The following DHRSX variants were observed in gnomAD, a reference collection of about 807,000 sequenced individuals.
The protein encoded by DHRSX is polyprenol dehydrogenase.
DHRSX carries 31 observed loss-of-function variants against 34.0 expected under a neutral mutation model. That is an observed-to-expected ratio of 0.91 (90% CI 0.69 to 1.23). DHRSX has a LOEUF of 1.23. DHRSX is among the 50% of genes most tolerant of loss of function. The pLI, the probability that DHRSX is intolerant of heterozygous loss-of-function variation, is 0.00. For synonymous variants in DHRSX, 201 were observed against 183.8 expected, an observed-to-expected ratio of 1.09 and a Z score of -0.76; for missense variants, 414 against 428.1, an observed-to-expected ratio of 0.97 and a Z score of 0.29.
intron 4 of DHRSX, among the ~76,000 whole-genome samples, chrX:2,276,805 A>C (rs1301171532): frequency 7.1e-6 from 1 of 141,482 alleles, no homozygotes. Context: ...AATAGGGAGA[A>C]AGAGAGACAA....
intron 1 of DHRSX, among the ~76,000 whole-genome samples, chrX:2,448,672 C>A (rs1198331883): frequency 1.3e-5 from 2 of 152,146 alleles, no homozygotes; most frequent in Non-Finnish European, 2.9e-5. Context: ...ATTAAAACAT[C>A]ACGTACCTCA....
intron 5 of DHRSX, among the ~76,000 whole-genome samples, chrX:2,254,610 G>A (rs2124444845): frequency 6.6e-6 from 1 of 152,138 alleles, no homozygotes; most frequent in African/African-American, 2.4e-5. Flanking sequence ...CCGCCTACCA[G>A]GAACTCAGAA....
intron 1 of DHRSX, among the ~76,000 whole-genome samples, chrX:2,464,623 T>C (rs1450068481): frequency 6.7e-6 from 1 of 149,712 alleles, no homozygotes; most frequent in Admixed American, 6.7e-5. Flanking sequence ...ACACTGAAGA[T>C]GTTCCCTAAG....
intron 1 of DHRSX, among the ~76,000 whole-genome samples, chrX:2,496,757 C>T (rs2045294997): frequency 6.6e-6 from 1 of 151,312 alleles, no homozygotes; most frequent in Admixed American, 6.6e-5. Context: ...CACACTGTGC[C>T]CCATAAGTGT....
Position 2,489,347 on chromosome X carries a change from G to A in DHRSX, c.109+11470C>T, listed in dbSNP as rs1210285492. On this transcript the variant is annotated intron_variant, in intron 1 of 6. Coordinates refer to ENST00000334651, the MANE Select transcript of DHRSX (RefSeq NM_145177.3). ...GTCGATCTCGGGCGTCTCCTGGTAG[G>A]TCTTGGAAAGCTCCTTGGCGATGAC... The A allele has an allele frequency of 5.6e-6, 9 of 1,613,506 alleles. No individual in the cohort carries two copies. The African/African-American group carries it at 6.7e-5, about 12-fold the overall frequency.
chrX:2,371,047 T>A (rs1377638501), intron 3 of DHRSX, among the ~76,000 whole-genome samples: 2 of 152,034 alleles, frequency 1.3e-5, no homozygotes, highest in African/African-American at 4.8e-5. Flanking sequence ...CATGGTGCTA[T>A]AGGCAGCGTC....
chrX:2,234,465 C>T (rs1187002223), intron 6 of DHRSX, among the ~76,000 whole-genome samples: 1 of 152,238 alleles, frequency 6.6e-6, no homozygotes, highest in African/African-American at 2.4e-5. Context: ...ACCTCCTTCC[C>T]TGCCTTCCAG....
intron 3 of DHRSX, 149 bp downstream of exon 3, chrX:2,408,596 G>A: frequency 1.4e-6 from 1 of 692,894 alleles, no homozygotes; most frequent in Non-Finnish European, 2.5e-6. Context: ...GATGGGGCCA[G>A]AAATCCCCAA....
intron 3 of DHRSX, among the ~76,000 whole-genome samples, chrX:2,353,178 A>T (rs1310557674): frequency 2.0e-5 from 3 of 152,162 alleles, no homozygotes; most frequent in Non-Finnish European, 4.4e-5. Flanking sequence ...CCGGAGGCAG[A>T]AATTGCAGTG....
intron 3 of DHRSX, among the ~76,000 whole-genome samples, chrX:2,320,211 G>T (rs1389836996): frequency 6.6e-6 from 1 of 151,484 alleles, no homozygotes; most frequent in East Asian, 2.0e-4. Flanking sequence ...CACAGAACTT[G>T]CCCATTCATT....
At chrX:2,430,493 A>G (rs997498420) in intron 1 of DHRSX, among the ~76,000 whole-genome samples, 14 of 152,030 alleles carry the variant, frequency 9.2e-5, no homozygotes, top group Non-Finnish European at 1.6e-4. Context: ...GGGCTTCCTC[A>G]GGGTTTTGGG....
At chrX:2,256,006 T>C (rs1055954926) in intron 5 of DHRSX, among the ~76,000 whole-genome samples, 124 of 149,812 alleles carry the variant, frequency 8.3e-4, no homozygotes, top group Non-Finnish European at 1.4e-3. Context: ...TTGGAAGGTA[T>C]GTGTCCCTCT....
intron 1 of DHRSX, among the ~76,000 whole-genome samples, chrX:2,462,922 A>T (rs770142684): frequency 6.6e-6 from 1 of 152,062 alleles, no homozygotes; most frequent in Non-Finnish European, 1.5e-5. Flanking sequence ...CCCTAAGACA[A>T]TGGTGTCAGG....
chrX:2,481,863 C>G lies in DHRSX; in HGVS notation c.109+18954G>C, dbSNP rs73622921. On this transcript the variant is annotated intron_variant, in intron 1 of 6. Transcript: ENST00000334651. ...GCTCATCCTCCCGAGTACATGCAAA[C>G]TGCACTGAGCCGGCTCCCCATGGAA... 5.9e-4 allele frequency among the ~76,000 whole-genome samples: 90 copies of G among 151,866 alleles called. No homozygotes were observed. In the Middle Eastern group the frequency reaches 0.017, roughly 29 times the overall value.
At chrX:2,302,771 A>G (rs908207470) in intron 3 of DHRSX, among the ~76,000 whole-genome samples, 7 of 152,204 alleles carry the variant, frequency 4.6e-5, no homozygotes, top group African/African-American at 1.7e-4. Flanking sequence ...TTAAAAAATA[A>G]TGACAGTCAT....
At chrX:2,249,860 G>T (rs1445676318) in intron 5 of DHRSX, among the ~76,000 whole-genome samples, 1 of 150,210 alleles carries the variant, frequency 6.7e-6, no homozygotes, top group Non-Finnish European at 1.5e-5. Context: ...ACTTGAAATT[G>T]ATCTTAAAAA....
intron 3 of DHRSX, among the ~76,000 whole-genome samples, chrX:2,382,610 C>G (rs2043217707): frequency 7.2e-6 from 1 of 139,020 alleles, no homozygotes; most frequent in East Asian, 2.0e-4. Context: ...TCACCATCAC[C>G]ATCATCACCA....
chrX:2,333,165 G>T (rs760551754), intron 3 of DHRSX, among the ~76,000 whole-genome samples: 7 of 152,272 alleles, frequency 4.6e-5, no homozygotes, highest in Admixed American at 3.3e-4. Flanking sequence ...GGTATTTCAT[G>T]ATTTGAAAAG....
At chrX:2,249,153 A>C (rs1042941461) in intron 5 of DHRSX, among the ~76,000 whole-genome samples, 3 of 151,248 alleles carry the variant, frequency 2.0e-5, no homozygotes, top group African/African-American at 7.3e-5. Context: ...TGGGAGAGCA[A>C]CTTCACAACA....
Sources: gnomAD v4.1 joint callset for allele counts (sites outside exome capture counted in the v4.1 genomes callset) on GRCh38, gnomAD v4.1.1 for gene constraint, MANE v1.5 for transcripts, NCBI Gene and HGNC (gene_info 2026-07-23, HGNC 2026-07-21) for gene names.